Variants in CCPG1 observed in about 807,000 individuals in gnomAD.
The protein encoded by CCPG1 is cell cycle progression protein 1.
CCPG1 carries 46 observed loss-of-function variants against 81.3 expected under a neutral mutation model. That is an observed-to-expected ratio of 0.57 (90% CI 0.45 to 0.72). The LOEUF (loss-of-function observed/expected upper bound fraction) is 0.72. CCPG1 is among the 30% of genes least tolerant of loss of function. CCPG1 has a pLI of 0.00. For missense variants in CCPG1, 902 were observed against 937.6 expected, an observed-to-expected ratio of 0.96 and a Z score of 0.50; for synonymous variants, 330 against 305.2, an observed-to-expected ratio of 1.08 and a Z score of -0.85.
intron 6 of CCPG1, among the ~76,000 whole-genome samples, chr15:55,370,650 G>A (rs1000568519): frequency 6.6e-6 from 1 of 152,168 alleles, no homozygotes; most frequent in Admixed American, 6.5e-5. Flanking sequence ...GCCGAGGCGG[G>A]TGGATCACAA....
chr15:55,406,464 G>GT (rs1287076537), intron 1 of CCPG1, among the ~76,000 whole-genome samples: 6 of 75,138 alleles, frequency 8.0e-5, no homozygotes, highest in Admixed American at 1.5e-4. Context: ...TTTTTTTTTT[G>GT]TTTTTTTGAG....
chr15:55,404,449 T>C lies in CCPG1; in HGVS notation c.-10+3772A>G, dbSNP rs78950211. Among the ~76,000 whole-genome samples, 1,222 of 152,262 alleles carry C rather than the reference T, an allele frequency of 8.0e-3. 16 individuals are homozygous for C. Among genetic ancestry groups the C allele is most frequent in the African/African-American group, 0.028 (1,179 of 41,540 alleles). Reference sequence around the variant, plus strand: ...ATTGATTATACTACTTACCAGTCCATATCCAACATAACCATAACAAAAAAT... The same window carrying C: ...ATTGATTATACTACTTACCAGTCCACATCCAACATAACCATAACAAAAAAT... On this transcript the variant is annotated intron_variant, in intron 1 of 8. Coordinates refer to ENST00000442196, the MANE Select transcript of CCPG1 (RefSeq NM_001204450.2).
chr15:55,382,037 A>G (rs1207261240), intron 3 of CCPG1, among the ~76,000 whole-genome samples: 1 of 152,240 alleles, frequency 6.6e-6, no homozygotes, highest in African/African-American at 2.4e-5. Flanking sequence ...TTATTGCTAA[A>G]AAGTGCTAGT....
chr15:55,405,237 C>G (rs1405869203), intron 1 of CCPG1, among the ~76,000 whole-genome samples: 2 of 152,168 alleles, frequency 1.3e-5, no homozygotes, highest in African/African-American at 4.8e-5. Context: ...TGGCACATGC[C>G]TGTAATCCCA....
At chr15:55,400,719 G>T (rs980974276) in intron 1 of CCPG1, among the ~76,000 whole-genome samples, 1 of 152,094 alleles carries the variant, frequency 6.6e-6, no homozygotes, top group African/African-American at 2.4e-5. Flanking sequence ...CTCATCTCAT[G>T]AGCAAAATAA....
rs932020407 is a variant in CCPG1 at position 55,355,789 on chromosome 15, G to A, written c.*431C>T. The A allele has an allele frequency of 4.4e-6, 1 of 226,440 alleles. No homozygotes were observed. The highest frequency in any genetic ancestry group is 2.3e-5 in the African/African-American group (1 of 43,428). The allele number at this position is 226,440 out of a possible 1,614,324, so 14.0% of individuals were successfully genotyped here. On this transcript the variant is annotated 3_prime_UTR_variant, in exon 9 of 9. Transcript: ENST00000442196. ...GAACCCACAAAAAGACAAGAAGTGA[G>A]TGTAAGATTATAAAATGTTAATGAT...
intron 1 of CCPG1, among the ~76,000 whole-genome samples, chr15:55,406,387 T>C (rs1036544176): frequency 6.6e-6 from 1 of 151,704 alleles, no homozygotes; most frequent in Non-Finnish European, 1.5e-5. Context: ...TTTCACTATC[T>C]ACACTTTTAT....
chr15:55,374,265 CAG>C, intron 5 of CCPG1: 1 of 1,255,614 alleles, frequency 8.0e-7, no homozygotes, highest in South Asian at 1.3e-5. Flanking sequence ...TGTGAATAAA[CAG>C]GAAAAAAAGA....
intron 3 of CCPG1, among the ~76,000 whole-genome samples, chr15:55,380,967 C>T (rs2056677698): frequency 6.6e-6 from 1 of 151,888 alleles, no homozygotes. Context: ...GAAACCCCGT[C>T]TCTACTAAAA....
At chr15:55,358,801 T>C (rs1953279617) in intron 8 of CCPG1, 1 of 983,386 alleles carries the variant, frequency 1.0e-6, no homozygotes, top group African/African-American at 1.7e-5. Context: ...TAGGACTAGA[T>C]ACCAGCTTAA....
At chr15:55,398,216 T>C (rs2057059431) in intron 1 of CCPG1, 1 of 152,128 alleles carries the variant, frequency 6.6e-6, no homozygotes, top group South Asian at 2.1e-4. Context: ...GGAATGAATA[T>C]TACCTGATAT....
At chr15:55,378,552 T>A (rs1178357424) in intron 3 of CCPG1, among the ~76,000 whole-genome samples, 176 bp from the exon 4 acceptor site, 1 of 152,182 alleles carries the variant, frequency 6.6e-6, no homozygotes, top group Non-Finnish European at 1.5e-5. Flanking sequence ...ATGAACTTCA[T>A]TTATTTGAAA....
chr15:55,382,197 C>A (rs2056712479), intron 3 of CCPG1, among the ~76,000 whole-genome samples: 1 of 152,052 alleles, frequency 6.6e-6, no homozygotes, highest in Non-Finnish European at 1.5e-5. Context: ...TGAAGTTTCC[C>A]ACATGGATTG....
intron 3 of CCPG1, among the ~76,000 whole-genome samples, chr15:55,384,959 T>G (rs1359707036): frequency 6.6e-6 from 1 of 152,168 alleles, no homozygotes; most frequent in Non-Finnish European, 1.5e-5. Flanking sequence ...GACAAGTAAA[T>G]ACAAACTACC....
intron 1 of CCPG1, among the ~76,000 whole-genome samples, chr15:55,406,422 T>C (rs1364666085): frequency 6.6e-6 from 1 of 150,410 alleles, no homozygotes; most frequent in Non-Finnish European, 1.5e-5. Context: ...TTTATTTCTT[T>C]TCTTTCTTTT....
intron 5 of CCPG1, among the ~76,000 whole-genome samples, chr15:55,374,654 G>A (rs1001572133): frequency 5.3e-5 from 8 of 151,900 alleles, no homozygotes; most frequent in South Asian, 4.1e-4. Context: ...TTTTTGAGAC[G>A]GGGTCTCCCT....
At chr15:55,384,880 T>C (rs2056768875) in intron 3 of CCPG1, among the ~76,000 whole-genome samples, 1 of 152,152 alleles carries the variant, frequency 6.6e-6, no homozygotes, top group East Asian at 1.9e-4. Context: ...ATCAACATGA[T>C]AATAACTGGA....
chr15:55,383,896 C>T (rs1193866162), intron 3 of CCPG1, among the ~76,000 whole-genome samples: 1 of 152,178 alleles, frequency 6.6e-6, no homozygotes, highest in African/African-American at 2.4e-5. Flanking sequence ...TTCTCCATGT[C>T]AGCAATAAGG....
rs140306626 is a variant in CCPG1 at position 55,375,579 on chromosome 15, A to G, written c.454+1370T>C. Among the ~76,000 whole-genome samples, 85 of 152,334 alleles carry G rather than the reference A, an allele frequency of 5.6e-4. No homozygotes were observed. The East Asian group carries it at 0.016, about 28-fold the overall frequency. Reference sequence around the variant, plus strand: ...CTCTGAACATCAAGAATGTCACATGAATATTCAAATAGCTGGAAAAAGTGT... The same window carrying G: ...CTCTGAACATCAAGAATGTCACATGGATATTCAAATAGCTGGAAAAAGTGT... On this transcript the variant is annotated intron_variant, in intron 5 of 8. Coordinates refer to ENST00000442196, the MANE Select transcript of CCPG1 (RefSeq NM_001204450.2).
Sources: allele counts gnomAD v4.1 joint callset (sites outside exome capture counted in the v4.1 genomes callset), GRCh38; gene constraint gnomAD v4.1.1; transcripts MANE v1.5; gene names NCBI Gene and HGNC (gene_info 2026-07-23, HGNC 2026-07-21).